Variants in WDR59 observed in about 807,000 individuals in gnomAD.
WDR59 encodes GATOR2 complex protein WDR59.
Under a neutral mutation model 131.2 loss-of-function variants are expected in WDR59, and 100 were observed. That is an observed-to-expected ratio of 0.76 (90% CI 0.65 to 0.90). The LOEUF is 0.90. WDR59 is among the 40% of genes least tolerant of loss of function. WDR59 has a pLI of 0.00. For synonymous variants in WDR59, 601 were observed against 466.2 expected (o/e 1.29, Z -3.72); for missense variants, 1,203 against 1,262.2 (o/e 0.95, Z 0.71).
At chr16:74,895,130 T>C (rs1965233430) in intron 18 of WDR59, among the ~76,000 whole-genome samples, 1 of 152,250 alleles carries the variant, frequency 6.6e-6, no homozygotes, top group Non-Finnish European at 1.5e-5. Flanking sequence ...TGGAACCTAC[T>C]AAATTCAGGA....
chr16:74,891,810 G>A (rs963284570), intron 20 of WDR59, among the ~76,000 whole-genome samples: 10 of 152,148 alleles, frequency 6.6e-5, no homozygotes, highest in South Asian at 2.1e-4. Context: ...TATAATCCCC[G>A]CTACTCGGGA....
chr16:74,945,183 A>G (rs1041618849), intron 6 of WDR59, among the ~76,000 whole-genome samples: 1 of 151,638 alleles, frequency 6.6e-6, no homozygotes, highest in Non-Finnish European at 1.5e-5. Context: ...TAACTTAGAA[A>G]CCTATAAATG....
At chr16:74,968,430 C>T (rs376472072) in intron 1 of WDR59, among the ~76,000 whole-genome samples, 3 of 152,144 alleles carry the variant, frequency 2.0e-5, no homozygotes, top group African/African-American at 7.2e-5. Context: ...TTGTAAGATG[C>T]TAAATATGGA....
intron 9 of WDR59, among the ~76,000 whole-genome samples, chr16:74,923,349 T>A (rs1331881213): frequency 6.6e-6 from 1 of 151,928 alleles, no homozygotes; most frequent in African/African-American, 2.4e-5. Context: ...CCTGACCCTC[T>A]CCTCCATCTA....
chr16:74,911,912 T>A lies in WDR59; in HGVS notation c.1389+286A>T, dbSNP rs377561107. The A allele has an allele frequency of 5.3e-5, 28 of 529,822 alleles. No individual in the cohort carries two copies. In the South Asian group the frequency reaches 8.7e-4, roughly 16 times the overall value. 32.8% of individuals were successfully genotyped at this position (529,822 alleles called of 1,614,324 possible). A position where few individuals can be genotyped will look rare whatever the true frequency, so the allele number is the denominator to read the frequency against. The stretch of plus-strand genomic sequence containing the variant: ...GCAATTCACATATTTACAGGCAATA[T>A]TTCTCAAATCATATGCAATCATTGT... On this transcript the variant is annotated intron_variant, in intron 14 of 25. Coordinates refer to ENST00000262144, the MANE Select transcript of WDR59 (RefSeq NM_030581.4).
intron 1 of WDR59, among the ~76,000 whole-genome samples, chr16:74,967,218 G>A (rs895022976): frequency 6.6e-6 from 1 of 152,154 alleles, no homozygotes; most frequent in Non-Finnish European, 1.5e-5. Flanking sequence ...CTCACCGGAG[G>A]CTGCAAAGTG....
intron 13 of WDR59, among the ~76,000 whole-genome samples, chr16:74,914,465 G>A (rs1232643656): frequency 6.6e-6 from 1 of 152,146 alleles, no homozygotes; most frequent in Non-Finnish European, 1.5e-5. Flanking sequence ...AACCACATGT[G>A]GCAAATCTGG....
chr16:74,972,562 G>A (rs1220355317), intron 1 of WDR59, among the ~76,000 whole-genome samples: 6 of 152,102 alleles, frequency 3.9e-5, no homozygotes, highest in African/African-American at 9.6e-5. Context: ...GGCCAGGCAC[G>A]GTGGCTCACA....
At chr16:74,905,551 G>A (rs865843402) in intron 17 of WDR59, among the ~76,000 whole-genome samples, 12 of 151,220 alleles carry the variant, frequency 7.9e-5, no homozygotes, top group East Asian at 5.8e-4. Flanking sequence ...GCGTGGTGGC[G>A]GGCGCCTGTA....
chr16:74,966,750 G>C (rs1486889540), intron 1 of WDR59, among the ~76,000 whole-genome samples: 1 of 152,146 alleles, frequency 6.6e-6, no homozygotes, highest in East Asian at 1.9e-4. Context: ...ACATCCCCAG[G>C]TCACATTCGC....
rs1157983383 is a variant in WDR59, at chr16:74,984,620, G to T, written c.54+344C>A. Reference sequence around the variant, plus strand: ...CGACTTGCCTTAAGTCGCCACACGCGGCTAGGGCCTCGGGAAGCCGTCACG... The same window carrying T: ...CGACTTGCCTTAAGTCGCCACACGCTGCTAGGGCCTCGGGAAGCCGTCACG... On this transcript the variant is annotated intron_variant, in intron 1 of 25. Coordinates refer to ENST00000262144, the MANE Select transcript of WDR59 (RefSeq NM_030581.4). 3.3e-5 allele frequency: 11 copies of T among 336,188 alleles called. No homozygotes were observed. In the South Asian group the frequency reaches 5.5e-4, roughly 17 times the overall value. 20.8% of individuals were successfully genotyped at this position (336,188 alleles called of 1,614,324 possible). A position where few individuals can be genotyped will look rare whatever the true frequency, so the allele number is the denominator to read the frequency against.
intron 18 of WDR59, among the ~76,000 whole-genome samples, chr16:74,901,391 T>C (rs948164619): frequency 1.3e-5 from 2 of 151,848 alleles, no homozygotes. Context: ...TAAAAATATG[T>C]AGGAGAAAAA....
chr16:74,978,588 C>G (rs2034278960), intron 1 of WDR59, among the ~76,000 whole-genome samples: 1 of 152,210 alleles, frequency 6.6e-6, no homozygotes, highest in African/African-American at 2.4e-5. Flanking sequence ...ATCCCATCAG[C>G]AGCTGCCAGA....
chr16:74,948,175 G>A (rs551997269), intron 6 of WDR59, among the ~76,000 whole-genome samples: 20 of 152,320 alleles, frequency 1.3e-4, no homozygotes, highest in South Asian at 4.1e-4. Context: ...TGAAGGTGAC[G>A]ATGAACACAG....
chr16:74,984,883 C>A, intron 1 of WDR59, 81 bp downstream of exon 1: 1 of 1,557,844 alleles, frequency 6.4e-7, no homozygotes, highest in Non-Finnish European at 8.7e-7. Context: ...CCCGTAGCCC[C>A]CCGGGACGGA....
intron 13 of WDR59, among the ~76,000 whole-genome samples, chr16:74,914,594 ATTTT>A (rs34327012): frequency 7.3e-6 from 1 of 137,022 alleles, no homozygotes; most frequent in African/African-American, 2.7e-5. Flanking sequence ...ACAGCAGACT[ATTTT>A]TTTTTTTTTT....
intron 11 of WDR59, 52 bp downstream of exon 11, chr16:74,917,877 C>A (rs1326210701): frequency 8.2e-6 from 11 of 1,341,776 alleles, no homozygotes; most frequent in East Asian, 2.5e-5. Context: ...CTGAATCTTA[C>A]ACTTTTTGGT....
At chr16:74,978,735 C>A (rs1267048758) in intron 1 of WDR59, among the ~76,000 whole-genome samples, 1 of 151,954 alleles carries the variant, frequency 6.6e-6, no homozygotes, top group Non-Finnish European at 1.5e-5. Flanking sequence ...ACAATTATAC[C>A]TGCATAAACC....
In WDR59 at chr16:74,912,249, C is replaced by T. The variant is rs938034066; in HGVS notation, c.1338G>A (p.Gln446=). The T allele has an allele frequency of 1.2e-6, 2 of 1,614,034 alleles. No individual in the cohort carries two copies. The highest frequency in any genetic ancestry group is 1.7e-5 in the Admixed American group (1 of 59,988). ...ATGTGATGGTTGTGGGGTTAATAAA[C>T]TGGAAGGAAGGGGCGGCGTTGTTTG... The part of the protein sequence containing the change: ...QYPNNAAPSF[Q]FINPTTITST... The change falls in exon 14 of 26, where the codon CAG becomes CAA. Residue 446 remains glutamine, a synonymous_variant. Transcript: ENST00000262144.
Sources: allele counts gnomAD v4.1 joint callset (sites outside exome capture counted in the v4.1 genomes callset), GRCh38; gene constraint gnomAD v4.1.1; transcripts MANE v1.5; gene names NCBI Gene and HGNC (gene_info 2026-07-23, HGNC 2026-07-21).